Variants in CDCA7 observed in about 807,000 individuals in gnomAD.
The protein encoded by CDCA7 is cell division cycle-associated protein 7.
A neutral mutation model predicts 54.0 loss-of-function variants in CDCA7; 28 were observed. The observed-to-expected ratio is 0.52, with a 90% CI of 0.38 to 0.71. The LOEUF (loss-of-function observed/expected upper bound fraction) is 0.71, where lower values mean the gene tolerates loss of function less well. Ranked by LOEUF, CDCA7 falls within the 30% of genes least tolerant of loss-of-function variation. The pLI, the probability that CDCA7 is intolerant of heterozygous loss-of-function variation, is 0.00. For missense variants in CDCA7, 484 were observed against 586.0 expected, an observed-to-expected ratio of 0.83 and a Z score of 1.80; for synonymous variants, 180 against 208.2, an observed-to-expected ratio of 0.86 and a Z score of 1.16.
chr2:173,367,178 T>C lies in CDCA7; in HGVS notation c.1214T>C (p.Ile405Thr). 2 of 1,603,498 alleles carry C rather than the reference T, an allele frequency of 1.2e-6. No homozygotes were observed. The highest frequency in any genetic ancestry group is 1.7e-6 in the Non-Finnish European group (2 of 1,175,944). The part of the protein sequence containing the change: ...PNWHCPPCRG[I>T]CNCSFCRQRD... Reference sequence around the variant, plus strand: ...TGGCATTGCCCGCCTTGTCGAGGAATCTGCAACTGCAGTTTCTGCCGGCAG... The same window carrying C: ...TGGCATTGCCCGCCTTGTCGAGGAACCTGCAACTGCAGTTTCTGCCGGCAG... The change falls in exon 9 of 10, where the codon ATC becomes ACC. Residue 405 changes from isoleucine to threonine, a missense_variant. Around this residue, in one of 3 missense-constraint regions of CDCA7, gnomAD observed 83 missense variants for 122.3 expected, o/e 0.68. Coordinates refer to ENST00000306721, the MANE Select transcript of CDCA7 (RefSeq NM_031942.5).
At chr2:173,355,540 C>T (rs994908053) in intron 1 of CDCA7, among the ~76,000 whole-genome samples, 1 of 152,238 alleles carries the variant, frequency 6.6e-6, no homozygotes. Flanking sequence ...TCTCCTAGAA[C>T]TTGGGCTGCG....
At chr2:173,361,170 A>G (rs1337355780) in intron 3 of CDCA7, among the ~76,000 whole-genome samples, 1 of 152,168 alleles carries the variant, frequency 6.6e-6, no homozygotes, top group African/African-American at 2.4e-5. Flanking sequence ...AATCAGCCAC[A>G]TTTGATTTAC....
chr2:173,362,596 A>G (rs936257969), intron 3 of CDCA7, among the ~76,000 whole-genome samples: 8 of 144,532 alleles, frequency 5.5e-5, no homozygotes, highest in African/African-American at 2.1e-4. Context: ...TTTTTTCAAG[A>G]CAGGGTCTGG....
Position 173,367,512 on chromosome 2 carries a change from C to T in CDCA7, c.1323-122C>T, listed in dbSNP as rs111440308. 8,073 of 1,335,424 alleles carry T rather than the reference C, an allele frequency of 6.0e-3. 66 individuals carry two copies. Among genetic ancestry groups the T allele is most frequent in the South Asian group, 0.026 (2,193 of 83,322 alleles). 82.7% of individuals were successfully genotyped at this position (1,335,424 alleles called of 1,614,324 possible). ...GTCAGGTAATATACTTGAAGATGCG[C>T]ACACTTGACCATAGTGATGTTATAA... On this transcript the variant is annotated intron_variant, in intron 9 of 9. Transcript: ENST00000306721.
In CDCA7 at chr2:173,366,949, G is replaced by A. The variant is rs1181720976; in HGVS notation, c.1186-201G>A. On this transcript the variant is annotated intron_variant, in intron 8 of 9. Transcript: ENST00000306721. This position sits in a 1 kb window ranked among gnomAD's most constrained non-coding sequence, Gnocchi z 4.5. Reference sequence around the variant, plus strand: ...GGGTCTGAACTGTCCCTGGGAAGTTGCTGCTCCATTTATCCCTGGTAGCTG... The same window carrying A: ...GGGTCTGAACTGTCCCTGGGAAGTTACTGCTCCATTTATCCCTGGTAGCTG... Among the ~76,000 whole-genome samples, 2 of 152,198 alleles carry A rather than the reference G, an allele frequency of 1.3e-5. No homozygotes were observed. The highest frequency in any genetic ancestry group is 4.8e-5 in the African/African-American group (2 of 41,454).
intron 1 of CDCA7, among the ~76,000 whole-genome samples, chr2:173,356,995 A>T (rs2106387140): frequency 6.6e-6 from 1 of 152,338 alleles, no homozygotes; most frequent in South Asian, 2.1e-4. Context: ...TAGGCCAAGA[A>T]GGAGGGCAAG....
chr2:173,365,406 G>T, intron 6 of CDCA7, 46 bp from the exon 7 acceptor site: 1 of 1,551,086 alleles, frequency 6.4e-7, no homozygotes, highest in South Asian at 1.2e-5. Flanking sequence ...ATCTCTTTCA[G>T]TTTTTCAGTT....
At chr2:173,364,739 GTAC>G in intron 5 of CDCA7, 53 bp from the exon 6 acceptor site, 1 of 1,541,868 alleles carries the variant, frequency 6.5e-7, no homozygotes, top group Non-Finnish European at 8.6e-7. Context: ...ATTCCCCAAA[GTAC>G]TACTTCTCTT....
At chr2:173,356,859 T>C (rs1454521529) in intron 1 of CDCA7, among the ~76,000 whole-genome samples, 1 of 152,220 alleles carries the variant, frequency 6.6e-6, no homozygotes, top group Non-Finnish European at 1.5e-5. Context: ...TCCTGCCTTG[T>C]TAAGAGGGCA....
At chr2:173,365,125 T>C in intron 6 of CDCA7, 136 bp downstream of exon 6, 1 of 1,346,340 alleles carries the variant, frequency 7.4e-7, no homozygotes, top group Non-Finnish European at 9.7e-7. Flanking sequence ...CATTCAGAAC[T>C]GTAAACGTCA....
intron 3 of CDCA7, among the ~76,000 whole-genome samples, chr2:173,362,298 C>T (rs904795902): frequency 4.6e-5 from 7 of 151,804 alleles, no homozygotes; most frequent in African/African-American, 9.7e-5. Flanking sequence ...TTGCCAGGGG[C>T]GGAGGGAAAG....
At chr2:173,359,176 C>T in intron 2 of CDCA7, 79 bp from the exon 3 acceptor site, 2 of 1,152,088 alleles carry the variant, frequency 1.7e-6, no homozygotes, top group South Asian at 1.5e-5. Flanking sequence ...ATGTGATTTG[C>T]TCTCTGCACG....
At chr2:173,361,737 C>A (rs959802843) in intron 3 of CDCA7, among the ~76,000 whole-genome samples, 31 of 152,112 alleles carry the variant, frequency 2.0e-4, no homozygotes, top group African/African-American at 6.8e-4. Flanking sequence ...CAGATGTGAG[C>A]CACCATACCC....
Position 173,363,560 on chromosome 2 carries a change from A to G in CDCA7, c.621+98A>G, listed in dbSNP as rs1054074129. The G allele has an allele frequency of 1.9e-5, 23 of 1,225,392 alleles. No individual in the cohort carries two copies. The African/African-American group carries it at 2.3e-4, about 12-fold the overall frequency. The allele number at this position is 1,225,392 out of a possible 1,614,324, so 75.9% of individuals were successfully genotyped here. A position where few individuals can be genotyped will look rare whatever the true frequency, so the allele number is the denominator to read the frequency against. ...CGCAAAAGTTATTTTTTTCTGTTACATGAATAAAAAGTTATTTTTGTTTAC... is the reference window on the plus strand; with the variant it reads ...CGCAAAAGTTATTTTTTTCTGTTACGTGAATAAAAAGTTATTTTTGTTTAC... On this transcript the variant is annotated intron_variant, in intron 4 of 9. Coordinates refer to ENST00000306721, the MANE Select transcript of CDCA7 (RefSeq NM_031942.5).
chr2:173,366,549 T>A lies in CDCA7; in HGVS notation c.1185+117T>A. The A allele has an allele frequency of 3.3e-6, 4 of 1,197,278 alleles. No homozygotes were observed. In the South Asian group the frequency reaches 7.2e-5, roughly 22 times the overall value. 74.2% of individuals were successfully genotyped at this position (1,197,278 alleles called of 1,614,324 possible). A position where few individuals can be genotyped will look rare whatever the true frequency, so the allele number is the denominator to read the frequency against. On this transcript the variant is annotated intron_variant, in intron 8 of 9. Transcript: ENST00000306721. This position sits in a 1 kb window ranked among gnomAD's most constrained non-coding sequence, Gnocchi z 4.5. Reference sequence around the variant, plus strand: ...CCCTTTCTGTTATGGGGTGCTCTTCTTTTTTTTTAAGATGGAGTCTCATTC... The same window carrying A: ...CCCTTTCTGTTATGGGGTGCTCTTCATTTTTTTTAAGATGGAGTCTCATTC...
intron 6 of CDCA7, 55 bp downstream of exon 6, chr2:173,365,044 G>A: frequency 1.3e-6 from 2 of 1,508,676 alleles, no homozygotes; most frequent in African/African-American, 1.4e-5. Context: ...GGTAGGCCTG[G>A]CATCATACAC....
intron 9 of CDCA7, 139 bp downstream of exon 9, chr2:173,367,425 G>A: frequency 7.1e-7 from 1 of 1,404,534 alleles, no homozygotes; most frequent in Non-Finnish European, 9.9e-7. Context: ...TGGAAGGGAT[G>A]GGAACATTTT....
At chr2:173,359,098 A>G (rs1453052761) in intron 2 of CDCA7, among the ~76,000 whole-genome samples, 157 bp from the exon 3 acceptor site, 1 of 152,208 alleles carries the variant, frequency 6.6e-6, no homozygotes, top group Non-Finnish European at 1.5e-5. Flanking sequence ...ACAACTCAGA[A>G]ATCATTTGTA....
In CDCA7 at chr2:173,363,842, G is replaced by C. The variant is rs552679825; in HGVS notation, c.646G>C (p.Glu216Gln). Residue 216 changes from glutamate (E) to glutamine (Q), a missense_variant, in exon 5 of 10, where the codon GAA becomes CAA. Transcript: ENST00000306721. ...GCTTGCAAAACTCATGTCTGAATTAGAAAGCTTCCCTGGCTCGTTCCGTGG... is the reference window on the plus strand; with the variant it reads ...GCTTGCAAAACTCATGTCTGAATTACAAAGCTTCCCTGGCTCGTTCCGTGG... ...AMLAKLMSEL[E>Q]SFPGSFRGRH... The C allele has an allele frequency of 6.2e-7, 1 of 1,614,210 alleles. No individual in the cohort carries two copies. Among genetic ancestry groups the C allele is most frequent in the Admixed American group, 1.7e-5 (1 of 60,020 alleles).
Sources: allele counts gnomAD v4.1 joint callset (sites outside exome capture counted in the v4.1 genomes callset), GRCh38; gene constraint gnomAD v4.1.1; regional missense constraint gnomAD v4.1.1; non-coding constraint Gnocchi (gnomAD v3.1); transcripts MANE v1.5; gene names NCBI Gene and HGNC (gene_info 2026-07-23, HGNC 2026-07-21).